Variants in ERBB2 observed in about 807,000 individuals in gnomAD.
ERBB2 encodes receptor tyrosine-protein kinase erbB-2.
In ERBB2, 61 loss-of-function variants were observed where a neutral mutation model predicts 149.0. The ratio of observed to expected loss-of-function variants is 0.41; its 90% CI spans 0.33 to 0.51. The LOEUF is 0.51. Ranked by LOEUF, ERBB2 falls within the 20% of genes least tolerant of loss-of-function variation. The pLI is 0.25. For synonymous variants in ERBB2, 633 were observed against 678.8 expected (o/e 0.93, Z 1.05); for missense variants, 1,205 against 1,655.1 (o/e 0.73, Z 4.72).
At chr17:39,716,055 TC>T in intron 12 of ERBB2, 116 bp downstream of exon 12, 36 of 1,160,704 alleles carry the variant, frequency 3.1e-5, no homozygotes, top group Non-Finnish European at 4.3e-5. Flanking sequence ...TGTGCACCCT[TC>T]TTGACTCAGC....
intron 9 of ERBB2, among the ~76,000 whole-genome samples, chr17:39,714,462 G>C (rs575281933): frequency 3.9e-5 from 6 of 152,300 alleles, no homozygotes; most frequent in Non-Finnish European, 7.3e-5. Flanking sequence ...GTAAAGTGGG[G>C]GCAAGAACAG....
intron 1 of ERBB2, among the ~76,000 whole-genome samples, chr17:39,701,472 C>A (rs1327514211): frequency 6.6e-6 from 1 of 152,108 alleles, no homozygotes; most frequent in Non-Finnish European, 1.5e-5. Context: ...CTCCCTGAGT[C>A]ACTGGGCTGC....
chr17:39,695,855 C>A (rs941556789), upstream of ERBB2, among the ~76,000 whole-genome samples: 4 of 152,214 alleles, frequency 2.6e-5, no homozygotes, highest in African/African-American at 7.2e-5. Context: ...TAGAGGTCAC[C>A]CTCGGAAGCT....
intron 3 of ERBB2, among the ~76,000 whole-genome samples, chr17:39,708,916 A>AGTGTTATT (rs1243903498): frequency 6.6e-6 from 1 of 152,184 alleles, no homozygotes; most frequent in Non-Finnish European, 1.5e-5. Flanking sequence ...GGAAAAAATC[A>AGTGTTATT]GTGTTATTCT....
At chr17:39,700,007 G>A, upstream of ERBB2, 1 of 1,267,840 alleles carries the variant, frequency 7.9e-7, no homozygotes, top group Non-Finnish European at 9.9e-7. Context: ...AGAAGGAGGA[G>A]GTGGAGGAGG....
rs771116500 is a variant in ERBB2, at chr17:39,728,019, A to G, written c.3743A>G (p.Tyr1248Cys). 6 of 1,604,696 alleles carry G rather than the reference A, an allele frequency of 3.7e-6. No individual in the cohort carries two copies. Among genetic ancestry groups the G allele is most frequent in the Non-Finnish European group, 5.1e-6 (6 of 1,176,988 alleles). ...ACACCTACGGCAGAGAACCCAGAGT[A>G]CCTGGGTCTGGACGTGCCAGTGTGA... is the stretch of plus-strand genomic sequence containing the variant. ...KGTPTAENPE[Y>C]LGLDVPV The change falls in exon 27 of 27, where the codon TAC becomes TGC. Residue 1248 changes from tyrosine (Y) to cysteine (C), a missense_variant. Physicochemically the swap from Tyr to Cys is radical, Grantham distance 194. Coordinates refer to ENST00000269571, the MANE Select transcript of ERBB2 (RefSeq NM_004448.4).
intron 1 of ERBB2, among the ~76,000 whole-genome samples, chr17:39,701,696 A>G (rs562342466): frequency 6.6e-6 from 1 of 152,226 alleles, no homozygotes; most frequent in Admixed American, 6.5e-5. Flanking sequence ...GTTGCCAAAC[A>G]GCAGTCTCTC....
chr17:39,711,776 T>G, intron 7 of ERBB2, 152 bp from the exon 8 acceptor site: 1 of 865,034 alleles, frequency 1.2e-6, no homozygotes. Flanking sequence ...GTCTGGTTGT[T>G]GTGAGGGGTA....
rs4252607 is a variant in ERBB2 at position 39,706,039 on chromosome 17, C to T, written c.74-951C>T. ...GGCCTGGTGTGAGCTGCTACCCCGG[C>T]GCCCCTCACCAGGGGTGCTTTACCT... On this transcript the variant is annotated intron_variant, in intron 1 of 26. Transcript: ENST00000269571. Among the ~76,000 whole-genome samples, 652 of 152,332 alleles carry T rather than the reference C, an allele frequency of 4.3e-3. 6 individuals carry two copies. The highest frequency in any genetic ancestry group is 6.7e-3 in the Non-Finnish European group (456 of 68,022).
At chr17:39,689,643 C>T (rs1198531872) in intron 2 of ERBB2, among the ~76,000 whole-genome samples, 7 of 152,224 alleles carry the variant, frequency 4.6e-5, no homozygotes, top group African/African-American at 1.4e-4. Context: ...TGGTGGCTCA[C>T]GCCTGTAATC....
At chr17:39,690,558 T>C (rs546583996), upstream of ERBB2, among the ~76,000 whole-genome samples, 5 of 152,312 alleles carry the variant, frequency 3.3e-5, no homozygotes, top group South Asian at 1.0e-3. Flanking sequence ...TGTTGACTTC[T>C]TGGAAGATGG....
chr17:39,725,944 T>C lies in ERBB2; in HGVS notation c.2872+91T>C, dbSNP rs2143094115. On this transcript the variant is annotated intron_variant, in intron 23 of 26. Coordinates refer to ENST00000269571, the MANE Select transcript of ERBB2 (RefSeq NM_004448.4). The surrounding 1 kb of genome is among the most constrained non-coding windows in gnomAD (Gnocchi z 4.6). ...AGGGGCATGAAAGGGGACCAGGATG[T>C]ATGTAGACCCAGGAGCCCTAGTATG... 7.2e-7 allele frequency: 1 copy of C among 1,380,910 alleles called. No homozygotes were observed. The highest frequency in any genetic ancestry group is 1.0e-6 in the Non-Finnish European group (1 of 993,116). The allele number at this position is 1,380,910 out of a possible 1,614,324, so 85.5% of individuals were successfully genotyped here.
chr17:39,719,948 C>T, intron 16 of ERBB2, 114 bp downstream of exon 16: 1 of 964,264 alleles, frequency 1.0e-6, no homozygotes, highest in South Asian at 1.3e-5. Flanking sequence ...CCCACCCACT[C>T]TTCCACTGTG....
intron 2 of ERBB2, 101 bp downstream of exon 2, chr17:39,707,242 C>T: frequency 1.7e-5 from 18 of 1,069,300 alleles, no homozygotes; most frequent in Non-Finnish European, 2.3e-5. Flanking sequence ...CTTCTGTTTC[C>T]TCTCTTGTTG....
chr17:39,724,333 C>T (rs894574772), intron 19 of ERBB2, among the ~76,000 whole-genome samples: 3 of 144,068 alleles, frequency 2.1e-5, no homozygotes, highest in African/African-American at 5.3e-5. Flanking sequence ...TGAAATGGTG[C>T]GGTCTCAGCT....
At chr17:39,699,737 G>A, upstream of ERBB2, 1 of 675,432 alleles carries the variant, frequency 1.5e-6, no homozygotes, top group Non-Finnish European at 2.5e-6. Context: ...AGACTTAAAA[G>A]GGTGTTAAGA....
chr17:39,727,180 G>A lies in ERBB2; in HGVS notation c.3160-115G>A, dbSNP rs1249997784. The A allele has an allele frequency of 1.4e-5, 19 of 1,361,064 alleles. No individual in the cohort carries two copies. Among genetic ancestry groups the A allele is most frequent in the Non-Finnish European group, 1.8e-5 (18 of 979,178 alleles). 84.3% of individuals were successfully genotyped at this position (1,361,064 alleles called of 1,614,324 possible). On this transcript the variant is annotated intron_variant, in intron 25 of 26. Transcript: ENST00000269571. This position sits in a 1 kb window ranked among gnomAD's most constrained non-coding sequence, Gnocchi z 4.3. ...TGACCCCATTCTCTCCACGGTGACTGTGTCATACCCCAAAGGTGACCTCTG... is the reference window on the plus strand; with the variant it reads ...TGACCCCATTCTCTCCACGGTGACTATGTCATACCCCAAAGGTGACCTCTG...
At chr17:39,713,570 G>A (rs2058940140) in intron 9 of ERBB2, among the ~76,000 whole-genome samples, 1 of 150,750 alleles carries the variant, frequency 6.6e-6, no homozygotes, top group South Asian at 2.2e-4. Flanking sequence ...GGCCAACATG[G>A]TGAAACCCCA....
At chr17:39,689,185 G>T (rs531034426) in intron 2 of ERBB2, among the ~76,000 whole-genome samples, 2 of 152,156 alleles carry the variant, frequency 1.3e-5, no homozygotes, top group African/African-American at 4.8e-5. Flanking sequence ...TGAGTCCTTA[G>T]CTCTAGCACC....
Sources: allele counts gnomAD v4.1 joint callset (sites outside exome capture counted in the v4.1 genomes callset), GRCh38; gene constraint gnomAD v4.1.1; non-coding constraint Gnocchi (gnomAD v3.1); transcripts MANE v1.5; gene names NCBI Gene and HGNC (gene_info 2026-07-23, HGNC 2026-07-21).